Variants in AVEN observed in about 807,000 individuals in gnomAD.
AVEN encodes apoptosis and caspase activation inhibitor, also known as cell death regulator Aven.
AVEN carries 41 observed loss-of-function variants against 38.1 expected under a neutral mutation model. That is an observed-to-expected ratio of 1.08 (90% confidence interval 0.84 to 1.40). AVEN has a LOEUF of 1.40. Among genes scored for constraint, AVEN ranks in the 40% most tolerant of loss-of-function variants. The probability of loss-of-function intolerance (pLI) is 0.00; values close to 1 mark genes in which losing one functional copy is unlikely to be tolerated. For missense variants in AVEN, 605 were observed against 438.8 expected (o/e 1.38, Z -3.38); for synonymous variants, 206 against 171.8 (o/e 1.20, Z -1.56).
At position 33,956,523 on chromosome 15, in the gene AVEN, T is replaced by C. The variant is rs578259910; in HGVS notation, c.445+46509A>G. 1.6e-4 allele frequency among the ~76,000 whole-genome samples: 24 copies of C among 152,358 alleles called. No homozygotes were observed. The South Asian group carries it at 1.9e-3, about 12-fold the overall frequency. Reference sequence around the variant, plus strand: ...GCTCATAGCCTTTGCCCAGTTTTAATAGGGTTGTTAAAACACATCATATAT... The same window carrying C: ...GCTCATAGCCTTTGCCCAGTTTTAACAGGGTTGTTAAAACACATCATATAT... On this transcript the variant is annotated intron_variant, in intron 2 of 5. Coordinates refer to ENST00000306730, the MANE Select transcript of AVEN (RefSeq NM_020371.3).
At chr15:33,853,436 G>T in the AVEN span, 1 of 1,265,164 alleles carries the variant, frequency 7.9e-7, no homozygotes, top group Non-Finnish European at 1.1e-6. Flanking sequence ...TTTGAACTAT[G>T]TCTTCATCTA....
chr15:33,855,742 ATAGTT>A (rs2079587953), downstream of AVEN: 1 of 152,240 alleles, frequency 6.6e-6, no homozygotes, highest in Non-Finnish European at 1.5e-5. Flanking sequence ...TATACATTAT[ATAGTT>A]AATACATATT....
At chr15:33,919,054 G>A (rs1428630531) in intron 2 of AVEN, among the ~76,000 whole-genome samples, 1 of 151,496 alleles carries the variant, frequency 6.6e-6, no homozygotes, top group Admixed American at 6.6e-5. Context: ...CCGAGTAGCT[G>A]GGATTACAGG....
At chr15:33,864,407 A>T (rs568500871), downstream of AVEN, among the ~76,000 whole-genome samples, 2 of 152,366 alleles carry the variant, frequency 1.3e-5, no homozygotes. Context: ...CTACTGCTTC[A>T]GACTAGAAGA....
chr15:34,011,874 T>C (rs776692811), intron 1 of AVEN, among the ~76,000 whole-genome samples: 3 of 152,230 alleles, frequency 2.0e-5, no homozygotes, highest in Non-Finnish European at 4.4e-5. Flanking sequence ...GCGAGTTCTA[T>C]GCTTCAATGA....
At position 33,994,062 on chromosome 15, in the gene AVEN, G is replaced by GT. The variant is rs150375619; in HGVS notation, c.445+8969dup. On this transcript the variant is annotated intron_variant, in intron 2 of 5. Transcript: ENST00000306730. The stretch of plus-strand genomic sequence containing the variant: ...TGCTGGAGTTTCTCTAGAACAGGGG[G>GT]TCCCCCACCCCCAGACCATGGATCA... 3.7e-4 allele frequency among the ~76,000 whole-genome samples: 57 copies of GT among 152,324 alleles called. No homozygotes were observed. The East Asian group carries it at 0.011, about 29-fold the overall frequency.
chr15:33,961,665 T>G (rs1204940922), intron 2 of AVEN, among the ~76,000 whole-genome samples: 1 of 151,238 alleles, frequency 6.6e-6, no homozygotes, highest in Non-Finnish European at 1.5e-5. Flanking sequence ...CACAAAAAAT[T>G]AGCCGGGCGT....
At chr15:33,961,877 C>A (rs959761963) in intron 2 of AVEN, among the ~76,000 whole-genome samples, 1 of 149,198 alleles carries the variant, frequency 6.7e-6, no homozygotes, top group African/African-American at 2.5e-5. Flanking sequence ...GAGTGTGTTC[C>A]TATGAACCAG....
At chr15:33,933,040 C>T (rs1218014868) in intron 2 of AVEN, among the ~76,000 whole-genome samples, 3 of 152,040 alleles carry the variant, frequency 2.0e-5, no homozygotes, top group Non-Finnish European at 4.4e-5. Flanking sequence ...ACTGTATTTC[C>T]TATTTGGATC....
At chr15:33,853,162 C>T in the AVEN span, 1 of 1,216,750 alleles carries the variant, frequency 8.2e-7, no homozygotes, top group Non-Finnish European at 1.1e-6. Flanking sequence ...TCTCCACATA[C>T]AAACATGAGT....
intron 3 of AVEN, chr15:34,066,244 G>A (rs1351381769): frequency 6.6e-6 from 1 of 152,240 alleles, no homozygotes; most frequent in Non-Finnish European, 1.5e-5. Flanking sequence ...AACTGGGTGT[G>A]ACTTCATGAG....
At chr15:33,884,322 G>T (rs1386025520) in intron 2 of AVEN, among the ~76,000 whole-genome samples, 1 of 152,180 alleles carries the variant, frequency 6.6e-6, no homozygotes, top group Non-Finnish European at 1.5e-5. Flanking sequence ...AGATATGGAA[G>T]TCCAAACTAA....
chr15:33,927,599 T>C (rs1893671041), intron 2 of AVEN, among the ~76,000 whole-genome samples: 1 of 152,132 alleles, frequency 6.6e-6, no homozygotes, highest in Non-Finnish European at 1.5e-5. Flanking sequence ...GCTCCTCACT[T>C]GCACAGGCCC....
intron 2 of AVEN, among the ~76,000 whole-genome samples, chr15:33,982,106 A>C (rs1030855580): frequency 1.3e-5 from 2 of 151,808 alleles, no homozygotes; most frequent in African/African-American, 2.4e-5. Context: ...ACCTCAGATG[A>C]TCCACCCGCC....
At chr15:33,983,257 T>G (rs1289099426) in intron 2 of AVEN, among the ~76,000 whole-genome samples, 5 of 131,366 alleles carry the variant, frequency 3.8e-5, no homozygotes, top group Non-Finnish European at 7.6e-5. Context: ...TATATATGGC[T>G]TCTTGGTAAC....
At chr15:33,963,525 G>A (rs1226852142) in intron 2 of AVEN, among the ~76,000 whole-genome samples, 2 of 152,088 alleles carry the variant, frequency 1.3e-5, no homozygotes, top group South Asian at 2.1e-4. Flanking sequence ...AGCCGGGCGC[G>A]GTGGCTCACG....
chr15:33,931,064 C>T (rs2153050766), intron 2 of AVEN, among the ~76,000 whole-genome samples: 1 of 151,902 alleles, frequency 6.6e-6, no homozygotes, highest in East Asian at 1.9e-4. Context: ...TTTTTACACA[C>T]CCCTTAGAAT....
chr15:33,904,367 C>T (rs1056564009), intron 2 of AVEN, among the ~76,000 whole-genome samples: 2 of 152,192 alleles, frequency 1.3e-5, no homozygotes, highest in African/African-American at 4.8e-5. Context: ...CTGCAGTGAG[C>T]TATGATCGTG....
At chr15:33,897,294 A>AATTT (rs112870333) in intron 2 of AVEN, among the ~76,000 whole-genome samples, 150,757 of 151,936 alleles carry the variant, frequency 0.99, 74,803 homozygotes, top group Middle Eastern at 1. Context: ...AACATAAATT[A>AATTT]ATTAATTAAT....
Sources: gnomAD v4.1 joint callset for allele counts (sites outside exome capture counted in the v4.1 genomes callset) on GRCh38, gnomAD v4.1.1 for gene constraint, MANE v1.5 for transcripts, NCBI Gene and HGNC (gene_info 2026-07-23, HGNC 2026-07-21) for gene names.